ADRA1B: variants seen among roughly 807,000 people sequenced by gnomAD.
ADRA1B encodes the protein adrenoceptor alpha 1B.
ADRA1B carries 17 observed loss-of-function variants against 17.9 expected under a neutral mutation model. The ratio of observed to expected loss-of-function variants is 0.95; its 90% confidence interval spans 0.65 to 1.42. The LOEUF (loss-of-function observed/expected upper bound fraction) is 1.42. ADRA1B is among the 40% of genes most tolerant of loss of function. The probability of loss-of-function intolerance (pLI) is 0.00; values close to 1 mark genes in which losing one functional copy is unlikely to be tolerated. For synonymous variants in ADRA1B, 366 were observed against 327.6 expected (o/e 1.12, Z -1.27); for missense variants, 681 against 722.1 (o/e 0.94, Z 0.65).
At chr5:159,869,790 T>C (rs1225687458) in intron 1 of ADRA1B, 1 of 152,170 alleles carries the variant, frequency 6.6e-6, no homozygotes, top group Non-Finnish European at 1.5e-5. Flanking sequence ...GGAATAATAA[T>C]CGCTCCTGCT....
intron 1 of ADRA1B, among the ~76,000 whole-genome samples, chr5:159,936,209 A>G (rs905357762): frequency 3.3e-5 from 5 of 152,178 alleles, no homozygotes; most frequent in African/African-American, 9.7e-5. Context: ...CAAACATCCT[A>G]CAATGCAAAG....
intron 1 of ADRA1B, among the ~76,000 whole-genome samples, chr5:159,932,025 G>T (rs1296611918): frequency 2.0e-5 from 3 of 152,236 alleles, no homozygotes; most frequent in Non-Finnish European, 4.4e-5. Flanking sequence ...TTCTGTGTGT[G>T]TTGTTGCGTG....
chr5:159,940,881 T>C (rs771369161), intron 1 of ADRA1B, among the ~76,000 whole-genome samples: 12 of 152,244 alleles, frequency 7.9e-5, no homozygotes, highest in Non-Finnish European at 1.5e-4. Flanking sequence ...TAAAAGGAGA[T>C]ACATGAAATG....
chr5:159,876,275 C>T (rs1581016624), intron 1 of ADRA1B, among the ~76,000 whole-genome samples: 1 of 152,232 alleles, frequency 6.6e-6, no homozygotes, highest in East Asian at 1.9e-4. Context: ...TGTGGCTCAA[C>T]AATGTCAAGG....
intron 1 of ADRA1B, among the ~76,000 whole-genome samples, chr5:159,904,368 A>G (rs1214550497): frequency 6.6e-6 from 1 of 152,222 alleles, no homozygotes; most frequent in East Asian, 1.9e-4. Context: ...GGCACAGCAC[A>G]TGAAAAAGTG....
At chr5:159,888,595 ATAG>A (rs1233833354) in intron 1 of ADRA1B, 1 of 152,352 alleles carries the variant, frequency 6.6e-6, no homozygotes, top group Non-Finnish European at 1.5e-5. Flanking sequence ...ACTGCTGGAA[ATAG>A]TAGAAGAACA....
chr5:159,886,712 G>A (rs1436585561), intron 1 of ADRA1B, among the ~76,000 whole-genome samples: 2 of 152,140 alleles, frequency 1.3e-5, no homozygotes, highest in Admixed American at 1.3e-4. Flanking sequence ...ACAGAAATGG[G>A]AAACCCACTC....
chr5:159,908,761 G>A (rs911366306), intron 1 of ADRA1B, among the ~76,000 whole-genome samples: 4 of 152,208 alleles, frequency 2.6e-5, no homozygotes, highest in Non-Finnish European at 4.4e-5. Flanking sequence ...GCACAATGCT[G>A]CATGCATAAC....
chr5:159,903,373 A>T (rs1754124004), intron 1 of ADRA1B, among the ~76,000 whole-genome samples: 1 of 152,206 alleles, frequency 6.6e-6, no homozygotes, highest in Non-Finnish European at 1.5e-5. Flanking sequence ...ATGACGCAAT[A>T]TACTAAACTG....
At chr5:159,964,438 A>C (rs1361461152) in intron 1 of ADRA1B, among the ~76,000 whole-genome samples, 1 of 152,202 alleles carries the variant, frequency 6.6e-6, no homozygotes, top group African/African-American at 2.4e-5. Flanking sequence ...TGTTTTATTT[A>C]TAGTAAATGA....
At chr5:159,964,625 C>T (rs876529) in intron 1 of ADRA1B, among the ~76,000 whole-genome samples, 3,288 of 152,260 alleles carry the variant, frequency 0.022, 130 homozygotes, top group African/African-American at 0.075. Flanking sequence ...TACTGATCCC[C>T]TTGAGACCAT....
rs1019175754 is a variant in ADRA1B at position 159,916,585 on chromosome 5, C to T, written c.-321C>T. ...CCCGAGCGAGCTGGGCACCGCCGGG[C>T]GCCCCCGGCCCTGCCGCCCCCTCCT... On this transcript the variant is annotated 5_prime_UTR_variant, in exon 1 of 2. Transcript: ENST00000306675. The T allele has an allele frequency of 1.9e-5, 4 of 212,462 alleles. No homozygotes were observed. Among genetic ancestry groups the T allele is most frequent in the Admixed American group, 1.2e-4 (2 of 17,232 alleles). The allele number at this position is 212,462 out of a possible 1,614,324, so 13.2% of individuals were successfully genotyped here. A position where few individuals can be genotyped will look rare whatever the true frequency, so the allele number is the denominator to read the frequency against.
At chr5:159,914,140 A>G (rs1223458571), upstream of ADRA1B, among the ~76,000 whole-genome samples, 2 of 152,180 alleles carry the variant, frequency 1.3e-5, no homozygotes, top group Admixed American at 1.3e-4. Flanking sequence ...GAAGCTGACC[A>G]CCTGGAGCTA....
chr5:159,923,401 C>T (rs1191353755), intron 1 of ADRA1B, among the ~76,000 whole-genome samples: 2 of 152,228 alleles, frequency 1.3e-5, no homozygotes, highest in South Asian at 2.1e-4. Context: ...CTAGACTAGG[C>T]AGGGGCAGTG....
chr5:159,907,505 G>GA (rs35505013), intron 1 of ADRA1B, among the ~76,000 whole-genome samples: 72,205 of 149,816 alleles, frequency 0.48, 18,459 homozygotes, highest in Non-Finnish European at 0.59. Context: ...ATTTATGTCA[G>GA]AAAAAAAAAA....
chr5:159,937,691 TC>T (rs1754997738), intron 1 of ADRA1B: 1 of 152,124 alleles, frequency 6.6e-6, no homozygotes, highest in South Asian at 2.1e-4. Flanking sequence ...CTCGTGATCC[TC>T]CCACGTCGGC....
At chr5:159,928,917 G>T (rs979859965) in intron 1 of ADRA1B, 1 of 152,172 alleles carries the variant, frequency 6.6e-6, no homozygotes, top group Admixed American at 6.5e-5. Flanking sequence ...CATATATTCA[G>T]GCCATTAATC....
chr5:159,879,005 C>A (rs1022855819), intron 1 of ADRA1B, among the ~76,000 whole-genome samples: 1 of 152,140 alleles, frequency 6.6e-6, no homozygotes, highest in Non-Finnish European at 1.5e-5. Context: ...TACATCCTCA[C>A]CCCGGCCCTG....
chr5:159,962,522 G>A (rs1048436617), intron 1 of ADRA1B, among the ~76,000 whole-genome samples: 13 of 152,018 alleles, frequency 8.6e-5, no homozygotes, highest in Admixed American at 3.9e-4. Context: ...TGGTGCTGCC[G>A]TCTACCCATT....
Sources: gnomAD v4.1 joint callset for allele counts (sites outside exome capture counted in the v4.1 genomes callset) on GRCh38, gnomAD v4.1.1 for gene constraint, MANE v1.5 for transcripts, NCBI Gene and HGNC (gene_info 2026-07-23, HGNC 2026-07-21) for gene names.